PTPRD: variants seen among roughly 807,000 people sequenced by gnomAD.
PTPRD encodes the protein receptor-type tyrosine-protein phosphatase delta.
A neutral mutation model predicts 214.5 loss-of-function variants in PTPRD; 34 were observed. The observed-to-expected ratio is 0.16, with a 90% CI of 0.12 to 0.21. The LOEUF is 0.21. Among genes scored for constraint, PTPRD ranks in the 10% least tolerant of loss-of-function variants. PTPRD has a pLI of 1.00. For synonymous variants in PTPRD, 1,128 were observed against 845.7 expected (o/e 1.33, Z -5.79); for missense variants, 2,545 against 2,398.7 (o/e 1.06, Z -1.27).
chr9:10,162,576 G>C (rs1486901750), intron 3 of PTPRD, among the ~76,000 whole-genome samples: 3 of 149,960 alleles, frequency 2.0e-5, no homozygotes, highest in African/African-American at 7.3e-5. Flanking sequence ...AAGAAAGTTT[G>C]ATGAATGGGT....
In PTPRD at chr9:10,603,893, CAT is replaced by C. The variant is rs1158997918; in HGVS notation, c.-600+8503_-600+8504del. Among the ~76,000 whole-genome samples the C allele has an allele frequency of 8.2e-4, 124 of 151,942 alleles. 4 individuals are homozygous for C. Among genetic ancestry groups the C allele is most frequent in the Admixed American group, 8.2e-3 (124 of 15,212 alleles). On this transcript the variant is annotated intron_variant, in intron 2 of 45. Transcript: ENST00000381196. ...TCCCACTACAAGAAGTGATAAACTA[CAT>C]ATGAGCTGCAGATTATTATATGGAT...
At chr9:9,644,291 G>A (rs2096070791) in intron 7 of PTPRD, among the ~76,000 whole-genome samples, 1 of 152,134 alleles carries the variant, frequency 6.6e-6, no homozygotes, top group South Asian at 2.1e-4. Flanking sequence ...GGGAGGGGAA[G>A]AGGAAGGAAT....
chr9:10,495,978 A>C (rs1271146358), intron 2 of PTPRD, among the ~76,000 whole-genome samples: 3 of 151,842 alleles, frequency 2.0e-5, no homozygotes, highest in Admixed American at 2.0e-4. Flanking sequence ...GTTTCATAAC[A>C]TCAATGATAT....
chr9:9,979,476 C>T (rs1443755727), intron 4 of PTPRD, among the ~76,000 whole-genome samples: 2 of 151,784 alleles, frequency 1.3e-5, no homozygotes, highest in African/African-American at 4.8e-5. Flanking sequence ...AATAAATATA[C>T]TCTTATTTTT....
At chr9:8,931,546 C>T (rs190791951) in intron 11 of PTPRD, among the ~76,000 whole-genome samples, 174 of 152,226 alleles carry the variant, frequency 1.1e-3, no homozygotes, top group African/African-American at 4.0e-3. Context: ...TATAAATTAC[C>T]TTGGGCAGTA....
chr9:9,620,264 A>G (rs924707904), intron 7 of PTPRD, among the ~76,000 whole-genome samples: 1 of 152,164 alleles, frequency 6.6e-6, no homozygotes, highest in Non-Finnish European at 1.5e-5. Flanking sequence ...ATAAAAGGAT[A>G]CCGATACCTA....
At chr9:9,627,429 G>A (rs1411032520) in intron 7 of PTPRD, among the ~76,000 whole-genome samples, 1 of 152,200 alleles carries the variant, frequency 6.6e-6, no homozygotes, top group African/African-American at 2.4e-5. Context: ...TTGCTCTGAT[G>A]AGAGAGCTAG....
chr9:8,895,312 C>G (rs1364189903), intron 11 of PTPRD, among the ~76,000 whole-genome samples: 1 of 143,450 alleles, frequency 7.0e-6, no homozygotes, highest in Non-Finnish European at 1.5e-5. Flanking sequence ...CTGGCATTCT[C>G]TATCTTTTTG....
intron 35 of PTPRD, among the ~76,000 whole-genome samples, chr9:8,421,239 G>A (rs920803237): frequency 6.6e-6 from 1 of 152,094 alleles, no homozygotes; most frequent in Non-Finnish European, 1.5e-5. Flanking sequence ...TGCAGGAGAT[G>A]CAGAGAAAAC....
intron 4 of PTPRD, among the ~76,000 whole-genome samples, chr9:9,951,144 A>T (rs1037957715): frequency 3.3e-5 from 5 of 152,130 alleles, no homozygotes; most frequent in Non-Finnish European, 7.4e-5. Context: ...ATGTATATGT[A>T]GCCCTTTAAT....
At position 8,637,032 on chromosome 9, in the gene PTPRD, A is replaced by G. The variant is rs80176828; in HGVS notation, c.65-188T>C. On this transcript the variant is annotated intron_variant, in intron 12 of 45. Coordinates refer to ENST00000381196, the MANE Select transcript of PTPRD (RefSeq NM_002839.4). The stretch of plus-strand genomic sequence containing the variant: ...TGAGGGTAGTTTAAAGGGGAAGGAC[A>G]TAACTTTCTGGTTAAGTTATCTATT... 1.2e-3 allele frequency among the ~76,000 whole-genome samples: 185 copies of G among 152,314 alleles called. 2 individuals are homozygous for G. The highest frequency in any genetic ancestry group is 4.3e-3 in the African/African-American group (179 of 41,556).
chr9:9,616,719 T>A (rs2094890500), intron 7 of PTPRD, among the ~76,000 whole-genome samples: 1 of 152,098 alleles, frequency 6.6e-6, no homozygotes, highest in South Asian at 2.1e-4. Context: ...AACTCACGAA[T>A]TATCCACCCC....
chr9:9,335,343 A>G (rs1273794296), intron 9 of PTPRD, among the ~76,000 whole-genome samples: 3 of 152,090 alleles, frequency 2.0e-5, no homozygotes, highest in African/African-American at 7.2e-5. Flanking sequence ...TAATATGAGA[A>G]CACTAGATTT....
chr9:9,522,018 G>A (rs1469987736), intron 8 of PTPRD, among the ~76,000 whole-genome samples: 2 of 152,026 alleles, frequency 1.3e-5, no homozygotes, highest in African/African-American at 4.8e-5. Context: ...TTAGCCTGGT[G>A]TGGTGGCATA....
At chr9:8,847,177 T>A (rs1001615469) in intron 11 of PTPRD, among the ~76,000 whole-genome samples, 1 of 152,240 alleles carries the variant, frequency 6.6e-6, no homozygotes, top group East Asian at 1.9e-4. Context: ...CTAAAATATT[T>A]TTTTTTTGGT....
At chr9:8,869,833 CT>C (rs1256193110) in intron 11 of PTPRD, among the ~76,000 whole-genome samples, 2 of 152,114 alleles carry the variant, frequency 1.3e-5, no homozygotes, top group African/African-American at 4.8e-5. Context: ...TCAGTTGTCC[CT>C]GCTCTGAAGA....
intron 4 of PTPRD, among the ~76,000 whole-genome samples, chr9:9,978,581 G>A (rs888251704): frequency 6.6e-6 from 1 of 152,028 alleles, no homozygotes; most frequent in Admixed American, 6.6e-5. Context: ...ACCATCAAAT[G>A]ACTATTATGA....
intron 10 of PTPRD, among the ~76,000 whole-genome samples, chr9:9,076,350 A>G (rs923889432): frequency 1.3e-5 from 2 of 151,906 alleles, no homozygotes; most frequent in Non-Finnish European, 2.9e-5. Flanking sequence ...TTGCCTGTCC[A>G]CTCTGATGGC....
At chr9:9,565,343 T>C (rs998688809) in intron 8 of PTPRD, among the ~76,000 whole-genome samples, 3 of 151,920 alleles carry the variant, frequency 2.0e-5, no homozygotes, top group African/African-American at 7.2e-5. Flanking sequence ...GAAATGGAGA[T>C]ACACTTCTGA....
Sources: gnomAD v4.1 joint callset for allele counts (sites outside exome capture counted in the v4.1 genomes callset) on GRCh38, gnomAD v4.1.1 for gene constraint, MANE v1.5 for transcripts, NCBI Gene and HGNC (gene_info 2026-07-23, HGNC 2026-07-21) for gene names.